Variants in TTC3 observed in about 807,000 individuals in gnomAD.
TTC3 encodes the protein E3 ubiquitin-protein ligase TTC3.
TTC3 carries 180 observed loss-of-function variants against 249.6 expected under a neutral mutation model. The observed-to-expected ratio is 0.72, with a 90% CI of 0.64 to 0.82. The LOEUF is 0.82. Among genes scored for constraint, TTC3 ranks in the 40% least tolerant of loss-of-function variants. TTC3 has a pLI of 0.00. For missense variants in TTC3, 2,061 were observed against 2,398.4 expected (o/e 0.86, Z 2.94); for synonymous variants, 717 against 805.0 (o/e 0.89, Z 1.85).
At chr21:37,088,799 C>T (rs769902260) in exon 5 of TTC3, 2 of 1,609,772 alleles carry the variant, frequency 1.2e-6, no homozygotes, top group South Asian at 1.1e-5. Flanking sequence ...TGTCTTTAAG[C>T]AATTCACGTG....
At chr21:37,161,197 A>G (rs1328720902) in intron 30 of TTC3, among the ~76,000 whole-genome samples, 1 of 152,216 alleles carries the variant, frequency 6.6e-6, no homozygotes, top group Non-Finnish European at 1.5e-5. Context: ...ACTAATCATT[A>G]TGACAGTCCC....
chr21:37,176,068 C>T (rs1343634327), intron 35 of TTC3, among the ~76,000 whole-genome samples: 3 of 152,154 alleles, frequency 2.0e-5, no homozygotes, highest in Middle Eastern at 3.4e-3. Flanking sequence ...CCAAAAGGCA[C>T]GTGAGGCACC....
intron 36 of TTC3, 138 bp downstream of exon 36, chr21:37,183,051 C>A: frequency 1.2e-6 from 1 of 839,174 alleles, no homozygotes; most frequent in Non-Finnish European, 1.7e-6. Context: ...TGTTTTGTCT[C>A]ATTTAAAAAA....
At chr21:37,086,440 T>A (rs949033279) in intron 1 of TTC3, 2 of 119,334 alleles carry the variant, frequency 1.7e-5, no homozygotes, top group Non-Finnish European at 4.0e-5. Flanking sequence ...TTGAAGATTC[T>A]TCAGGAAAAA....
intron 28 of TTC3, chr21:37,159,458 T>C (rs1170999106): frequency 2.0e-6 from 1 of 487,996 alleles, no homozygotes; most frequent in Non-Finnish European, 3.6e-6. Context: ...GCATAGATGG[T>C]ACCTAGAAGG....
At chr21:37,110,619 T>C (rs2075570277) in intron 11 of TTC3, among the ~76,000 whole-genome samples, 1 of 152,194 alleles carries the variant, frequency 6.6e-6, no homozygotes, top group African/African-American at 2.4e-5. Flanking sequence ...TGGAACCAAG[T>C]TGGAAATATC....
At chr21:37,195,447 A>G (rs761950593) in intron 41 of TTC3, among the ~76,000 whole-genome samples, 4 of 152,248 alleles carry the variant, frequency 2.6e-5, no homozygotes, top group Non-Finnish European at 5.9e-5. Context: ...AGTGACTTAT[A>G]GAGATAATTA....
At chr21:37,195,692 C>G (rs2084819178) in exon 42 of TTC3, 1 of 1,610,938 alleles carries the variant, frequency 6.2e-7, no homozygotes, top group East Asian at 2.2e-5. Context: ...CCGAGTTACT[C>G]CCTGAGTCTT....
Position 37,189,120 on chromosome 21 carries a change from A to G in TTC3, c.5024+525A>G, listed in dbSNP as rs547449067. On this transcript the variant is annotated intron_variant, in intron 39 of 45. Coordinates refer to ENST00000355666, the Ensembl canonical transcript of TTC3. ...AGATCACATTTTCAAGGCTTTTAAA[A>G]TTTTTTGCCAAGTTGCTTTCCATAG... Among the ~76,000 whole-genome samples, 3 of 152,320 alleles carry G rather than the reference A, an allele frequency of 2.0e-5. No individual in the cohort carries two copies. In the South Asian group the frequency reaches 6.2e-4, roughly 32 times the overall value.
chr21:37,157,329 C>G, intron 28 of TTC3: 1 of 540,748 alleles, frequency 1.8e-6, no homozygotes. Context: ...GAGCCTAGAA[C>G]TGGGGGTCAG....
At chr21:37,129,942 T>C (rs944846673) in intron 16 of TTC3, among the ~76,000 whole-genome samples, 10 of 152,230 alleles carry the variant, frequency 6.6e-5, no homozygotes, top group African/African-American at 2.4e-4. Flanking sequence ...TGGCCTTGCC[T>C]CCTGTCTTTA....
intron 35 of TTC3, among the ~76,000 whole-genome samples, chr21:37,181,957 A>G (rs1170274168): frequency 1.3e-5 from 2 of 152,182 alleles, no homozygotes; most frequent in East Asian, 3.8e-4. Flanking sequence ...GTTTCCCTAA[A>G]GCAAATGTGA....
intron 34 of TTC3, among the ~76,000 whole-genome samples, chr21:37,171,081 CTTG>C (rs1335893790): frequency 1.3e-5 from 2 of 152,048 alleles, no homozygotes; most frequent in Non-Finnish European, 2.9e-5. Context: ...TGACCAATTT[CTTG>C]TTGTTGAACA....
chr21:37,191,037 A>G (rs2084021486), intron 39 of TTC3, among the ~76,000 whole-genome samples: 1 of 152,228 alleles, frequency 6.6e-6, no homozygotes, highest in Non-Finnish European at 1.5e-5. Context: ...TTAAACATAA[A>G]GATGTCAGAT....
At position 37,156,602 on chromosome 21, in the gene TTC3, T is replaced by G. The variant is rs556022873; in HGVS notation, c.2741-53T>G. The G allele has an allele frequency of 8.2e-5, 128 of 1,556,598 alleles. No homozygotes were observed. The South Asian group carries it at 1.5e-3, about 18-fold the overall frequency. On this transcript the variant is annotated intron_variant, in intron 27 of 45. Transcript: ENST00000355666. The stretch of plus-strand genomic sequence containing the variant: ...CAGAGATGTGAAACTAAATGTGATT[T>G]TACAGTAAATAATTTCCCTCCTCTT...
At chr21:37,163,381 G>A (rs1030427429) in intron 31 of TTC3, among the ~76,000 whole-genome samples, 4 of 152,110 alleles carry the variant, frequency 2.6e-5, no homozygotes, top group South Asian at 2.1e-4. Context: ...ATGGAGTTTC[G>A]CTCTTGTTGC....
chr21:37,185,387 C>G (rs2083147511), intron 36 of TTC3, among the ~76,000 whole-genome samples: 1 of 152,156 alleles, frequency 6.6e-6, no homozygotes, highest in African/African-American at 2.4e-5. Flanking sequence ...ATAAGAATCT[C>G]TGGTTACACT....
chr21:37,076,426 T>G (rs1039028259), intron 1 of TTC3, among the ~76,000 whole-genome samples: 11 of 152,244 alleles, frequency 7.2e-5, no homozygotes, highest in African/African-American at 2.7e-4. Context: ...ATTTTCACAC[T>G]GGGGTATATG....
intron 42 of TTC3, 83 bp from the exon 43 acceptor site, chr21:37,197,487 G>T (rs1221638166): frequency 2.6e-6 from 4 of 1,538,250 alleles, no homozygotes; most frequent in Non-Finnish European, 3.6e-6. Context: ...TTTGGGTTGG[G>T]CTGTTGGATT....
Sources: allele counts gnomAD v4.1 joint callset (sites outside exome capture counted in the v4.1 genomes callset), GRCh38; gene constraint gnomAD v4.1.1; transcripts MANE v1.5; gene names NCBI Gene and HGNC (gene_info 2026-07-23, HGNC 2026-07-21).